SPAG16: variants seen among roughly 807,000 people sequenced by gnomAD.
SPAG16 encodes sperm-associated antigen 16 protein.
Under a neutral mutation model 80.4 loss-of-function variants are expected in SPAG16, and 86 were observed. The observed-to-expected ratio is 1.07, with a 90% CI of 0.90 to 1.28. SPAG16 has a LOEUF of 1.28. Ranked by LOEUF, SPAG16 falls within the 50% of genes most tolerant of loss-of-function variation. The pLI is 0.00. For missense variants in SPAG16, 870 were observed against 765.3 expected, an observed-to-expected ratio of 1.14 and a Z score of -1.61; for synonymous variants, 294 against 265.9, an observed-to-expected ratio of 1.11 and a Z score of -1.03.
chr2:214,239,431 C>T (rs1267671249), intron 15 of SPAG16: 1 of 152,122 alleles, frequency 6.6e-6, no homozygotes, highest in Non-Finnish European at 1.5e-5. Context: ...ACCCATTAAA[C>T]AATAAATCCT....
At chr2:213,914,238 A>G (rs952363431) in intron 11 of SPAG16, among the ~76,000 whole-genome samples, 7 of 152,170 alleles carry the variant, frequency 4.6e-5, no homozygotes, top group Admixed American at 4.6e-4. Context: ...AAATAACTAT[A>G]GAAAGTTCAT....
intron 10 of SPAG16, among the ~76,000 whole-genome samples, chr2:213,705,593 A>G (rs2065712859): frequency 1.4e-5 from 2 of 145,466 alleles, no homozygotes; most frequent in South Asian, 4.4e-4. Flanking sequence ...GTGCATTTAT[A>G]ACATTATTAA....
intron 15 of SPAG16, among the ~76,000 whole-genome samples, chr2:214,367,981 T>A (rs912712781): frequency 2.0e-4 from 31 of 152,272 alleles, no homozygotes; most frequent in Admixed American, 1.4e-3. Context: ...GATAAAAAGC[T>A]TTGAAAGCTT....
chr2:213,882,043 G>T (rs1268581036), intron 11 of SPAG16, among the ~76,000 whole-genome samples: 1 of 152,146 alleles, frequency 6.6e-6, no homozygotes, highest in African/African-American at 2.4e-5. Context: ...ATTATAAAGG[G>T]ATGTTGGATT....
chr2:213,337,385 C>T (rs1287227684), intron 5 of SPAG16, among the ~76,000 whole-genome samples: 1 of 152,134 alleles, frequency 6.6e-6, no homozygotes, highest in Non-Finnish European at 1.5e-5. Flanking sequence ...GATGAATTGA[C>T]AGAAGTAGGC....
intron 10 of SPAG16, among the ~76,000 whole-genome samples, chr2:213,825,701 C>CTTTTTTTTTTTTTTTTTTTTTT (rs55777958): frequency 8.1e-4 from 89 of 109,748 alleles, no homozygotes; most frequent in African/African-American, 1.3e-3. Context: ...TTCTTTCTTT[C>CTTTTTTTTTTTTTTTTTTTTTT]TTTTTTTTTT....
intron 11 of SPAG16, among the ~76,000 whole-genome samples, chr2:213,886,846 A>G (rs548268279): frequency 1.3e-5 from 2 of 152,262 alleles, no homozygotes; most frequent in South Asian, 4.1e-4. Context: ...GACTAAAACC[A>G]TTTAAAATTA....
intron 10 of SPAG16, among the ~76,000 whole-genome samples, chr2:213,688,791 T>C (rs1448480219): frequency 2.0e-5 from 3 of 152,216 alleles, no homozygotes; most frequent in African/African-American, 7.2e-5. Flanking sequence ...AATTAATTTT[T>C]CTCCTGCAAT....
chr2:213,795,451 C>T (rs988339413), intron 10 of SPAG16, among the ~76,000 whole-genome samples: 16 of 152,182 alleles, frequency 1.1e-4, no homozygotes, highest in African/African-American at 3.4e-4. Flanking sequence ...TTCTACTTAG[C>T]ATCAATATAT....
intron 15 of SPAG16, among the ~76,000 whole-genome samples, chr2:214,400,430 A>G (rs1224663568): frequency 6.6e-6 from 1 of 152,062 alleles, no homozygotes; most frequent in African/African-American, 2.4e-5. Flanking sequence ...ACAACTATTT[A>G]TGTAGCATTT....
chr2:213,912,001 T>C (rs1028089826), intron 11 of SPAG16, among the ~76,000 whole-genome samples: 2 of 152,288 alleles, frequency 1.3e-5, no homozygotes, highest in Admixed American at 6.5e-5. Flanking sequence ...TCCTAACTGA[T>C]AATAAAATAA....
chr2:214,343,334 A>G (rs1697833340), intron 15 of SPAG16, among the ~76,000 whole-genome samples: 1 of 152,174 alleles, frequency 6.6e-6, no homozygotes, highest in Non-Finnish European at 1.5e-5. Context: ...AGATTTTTAA[A>G]AGAGAGGTGT....
intron 15 of SPAG16, among the ~76,000 whole-genome samples, chr2:214,178,947 A>G (rs1169762655): frequency 6.6e-6 from 1 of 151,356 alleles, no homozygotes; most frequent in Non-Finnish European, 1.5e-5. Context: ...TAGAAAGCTT[A>G]TACAATTTTC....
chr2:214,274,891 C>T (rs1010368535), intron 15 of SPAG16, among the ~76,000 whole-genome samples: 3 of 152,122 alleles, frequency 2.0e-5, no homozygotes, highest in African/African-American at 7.2e-5. Flanking sequence ...CTCTTTGTAC[C>T]TCTAGTAGAA....
intron 12 of SPAG16, among the ~76,000 whole-genome samples, chr2:213,983,951 T>C (rs1343627344): frequency 6.6e-6 from 1 of 151,976 alleles, no homozygotes; most frequent in African/African-American, 2.4e-5. Context: ...ATCATATACA[T>C]CATACATGAA....
intron 13 of SPAG16, among the ~76,000 whole-genome samples, chr2:214,097,888 T>G (rs2052714643): frequency 6.6e-6 from 1 of 152,016 alleles, no homozygotes; most frequent in Non-Finnish European, 1.5e-5. Flanking sequence ...TTTACACCAA[T>G]TCACTTGTTA....
At chr2:213,617,094 C>T (rs887341458) in intron 10 of SPAG16, among the ~76,000 whole-genome samples, 2 of 151,970 alleles carry the variant, frequency 1.3e-5, no homozygotes, top group South Asian at 4.2e-4. Flanking sequence ...AAAGATAAGT[C>T]CAAAAAGGAA....
intron 3 of SPAG16, among the ~76,000 whole-genome samples, chr2:213,308,587 C>T (rs906864164): frequency 1.6e-4 from 24 of 152,242 alleles, no homozygotes; most frequent in Non-Finnish European, 2.4e-4. Flanking sequence ...GAAGTTTTCA[C>T]TTATATAGGC....
chr2:213,827,799 T>A (rs184422659), intron 10 of SPAG16, among the ~76,000 whole-genome samples: 89 of 151,526 alleles, frequency 5.9e-4, no homozygotes, highest in African/African-American at 2.1e-3. Flanking sequence ...TCTAGGATAT[T>A]TTTTTTTTCC....
Sources: allele counts gnomAD v4.1 joint callset (sites outside exome capture counted in the v4.1 genomes callset), GRCh38; gene constraint gnomAD v4.1.1; transcripts MANE v1.5; gene names NCBI Gene and HGNC (gene_info 2026-07-23, HGNC 2026-07-21).